DACH2: variants seen among roughly 807,000 people sequenced by gnomAD.
DACH2 encodes dachshund family transcription factor 2.
A neutral mutation model predicts 35.8 loss-of-function variants in DACH2; 17 were observed. That is an observed-to-expected ratio of 0.48 (90% CI 0.33 to 0.71). The LOEUF (loss-of-function observed/expected upper bound fraction) is 0.71. Among genes scored for constraint, DACH2 ranks in the 30% least tolerant of loss-of-function variants. The probability of loss-of-function intolerance (pLI) is 0.02; values close to 1 mark genes in which losing one functional copy is unlikely to be tolerated. For synonymous variants in DACH2, 195 were observed against 177.3 expected, an observed-to-expected ratio of 1.10 and a Z score of -0.79; for missense variants, 469 against 472.7, an observed-to-expected ratio of 0.99 and a Z score of 0.07.
At chrX:86,726,595 G>A (rs2041472504) in intron 6 of DACH2, among the ~76,000 whole-genome samples, 1 of 111,603 alleles carries the variant, frequency 9.0e-6, no homozygotes, top group Non-Finnish European at 1.9e-5. Context: ...CTAGATCCTT[G>A]GTATCTAGGC....
chrX:86,724,973 A>G (rs1463914045), intron 6 of DACH2, among the ~76,000 whole-genome samples: 3 of 108,082 alleles, frequency 2.8e-5, no homozygotes, highest in African/African-American at 1.0e-4. Flanking sequence ...TATCACTGAA[A>G]TATTCAAATG....
chrX:86,644,085 A>G (rs563306302), intron 3 of DACH2, among the ~76,000 whole-genome samples: 1 of 111,225 alleles, frequency 9.0e-6, no homozygotes, highest in Non-Finnish European at 1.9e-5. Context: ...CATCACATCT[A>G]TTCAACATAG....
chrX:86,732,522 T>C (rs1341532869), intron 6 of DACH2, among the ~76,000 whole-genome samples: 1 of 112,040 alleles, frequency 8.9e-6, no homozygotes, highest in African/African-American at 3.2e-5. Flanking sequence ...GTATAATTGC[T>C]ATCTGCCTGG....
chrX:86,531,298 A>G (rs937161735), intron 3 of DACH2, among the ~76,000 whole-genome samples: 3 of 111,900 alleles, frequency 2.7e-5, no homozygotes, highest in Non-Finnish European at 5.6e-5. Flanking sequence ...TAGCCAAGAC[A>G]ATGGAGAAAA....
chrX:86,488,485 G>T (rs746152312), intron 2 of DACH2, among the ~76,000 whole-genome samples: 2 of 110,882 alleles, frequency 1.8e-5, no homozygotes, highest in African/African-American at 6.5e-5. Context: ...AGATTTACTG[G>T]GCTCTAATCT....
intron 1 of DACH2, among the ~76,000 whole-genome samples, chrX:86,375,972 A>G (rs1429382642): frequency 1.8e-5 from 2 of 110,542 alleles, no homozygotes; most frequent in Non-Finnish European, 3.8e-5. Context: ...GTTTTTTTGC[A>G]TGTCATTTCA....
intron 6 of DACH2, among the ~76,000 whole-genome samples, chrX:86,729,135 G>A (rs2041504069): frequency 8.9e-6 from 1 of 112,249 alleles, no homozygotes. Flanking sequence ...AAAGCCACAG[G>A]GGCAGAGCTG....
chrX:86,622,949 A>G (rs779944793), intron 3 of DACH2, among the ~76,000 whole-genome samples: 2 of 112,007 alleles, frequency 1.8e-5, no homozygotes, highest in East Asian at 5.6e-4. Flanking sequence ...TGTGAGTACT[A>G]TTAACACATG....
chrX:86,266,022 CT>C (rs1444052364), intron 1 of DACH2, among the ~76,000 whole-genome samples: 1 of 111,317 alleles, frequency 9.0e-6, no homozygotes, highest in Non-Finnish European at 1.9e-5. Flanking sequence ...CTTTTTTACT[CT>C]GCATGTAAAA....
At chrX:86,306,098 A>G (rs1330755281) in intron 1 of DACH2, among the ~76,000 whole-genome samples, 1 of 112,272 alleles carries the variant, frequency 8.9e-6, no homozygotes, top group Non-Finnish European at 1.9e-5. Flanking sequence ...TGCTGAATAT[A>G]TATCCAAAGA....
intron 2 of DACH2, among the ~76,000 whole-genome samples, chrX:86,416,388 T>A (rs2036703566): frequency 8.9e-6 from 1 of 112,021 alleles, no homozygotes; most frequent in South Asian, 3.7e-4. Flanking sequence ...ATTCTATGTG[T>A]TTCTCATTGC....
At chrX:86,191,614 CT>C (rs1319367737) in intron 1 of DACH2, among the ~76,000 whole-genome samples, 1 of 111,214 alleles carries the variant, frequency 9.0e-6, no homozygotes, top group Non-Finnish European at 1.9e-5. Context: ...ATGTGTACCC[CT>C]GAACCTAAAA....
At chrX:86,294,742 G>T (rs1485527304) in intron 1 of DACH2, among the ~76,000 whole-genome samples, 1 of 110,086 alleles carries the variant, frequency 9.1e-6, no homozygotes, top group East Asian at 2.9e-4. Flanking sequence ...CAGGGGTCAG[G>T]GGTCAGGGAC....
intron 11 of DACH2, among the ~76,000 whole-genome samples, chrX:86,821,375 T>C (rs1038944402): frequency 9.0e-6 from 1 of 111,360 alleles, no homozygotes; most frequent in Admixed American, 9.6e-5. Flanking sequence ...GATCCTTTTA[T>C]TTCCTAGAGA....
At chrX:86,223,387 G>A (rs1382700619) in intron 1 of DACH2, among the ~76,000 whole-genome samples, 7 of 110,956 alleles carry the variant, frequency 6.3e-5, no homozygotes, top group Non-Finnish European at 1.9e-5. Context: ...GTTTTTCTTG[G>A]TGTCTTTAAA....
chrX:86,731,349 C>T (rs2041530903), intron 6 of DACH2, among the ~76,000 whole-genome samples: 1 of 111,483 alleles, frequency 9.0e-6, no homozygotes, highest in Admixed American at 9.6e-5. Flanking sequence ...ACAATTGGCT[C>T]TAGTTTGAGC....
intron 4 of DACH2, among the ~76,000 whole-genome samples, chrX:86,668,241 A>T (rs2040722971): frequency 8.9e-6 from 1 of 112,273 alleles, no homozygotes; most frequent in African/African-American, 3.2e-5. Flanking sequence ...ACATAACGAG[A>T]TACCTCCAGG....
intron 2 of DACH2, among the ~76,000 whole-genome samples, chrX:86,394,698 A>G (rs2036255136): frequency 8.9e-6 from 1 of 112,015 alleles, no homozygotes; most frequent in Non-Finnish European, 1.9e-5. Flanking sequence ...TAAAAATGAA[A>G]TAAGCAATAT....
intron 1 of DACH2, among the ~76,000 whole-genome samples, chrX:86,337,548 A>G (rs2035335376): frequency 8.9e-6 from 1 of 112,151 alleles, no homozygotes; most frequent in Non-Finnish European, 1.9e-5. Flanking sequence ...GCCTTACAAG[A>G]GCTCCTGAAA....
Sources: allele counts gnomAD v4.1 joint callset (sites outside exome capture counted in the v4.1 genomes callset), GRCh38; gene constraint gnomAD v4.1.1; transcripts MANE v1.5; gene names NCBI Gene and HGNC (gene_info 2026-07-23, HGNC 2026-07-21).